The following FER variants were observed in gnomAD, a reference collection of about 807,000 sequenced individuals.
FER encodes the protein tyrosine-protein kinase Fer.
FER carries 63 observed loss-of-function variants against 111.0 expected under a neutral mutation model. The observed-to-expected ratio is 0.57, with a 90% CI of 0.46 to 0.70. FER has a LOEUF of 0.70. Among genes scored for constraint, FER ranks in the 30% least tolerant of loss-of-function variants. The pLI is 0.00. For missense variants in FER, 914 were observed against 954.0 expected (o/e 0.96, Z 0.55); for synonymous variants, 327 against 313.9 (o/e 1.04, Z -0.44).
intron 5 of FER, among the ~76,000 whole-genome samples, chr5:108,846,244 G>A (rs1290716335): frequency 6.6e-6 from 1 of 151,974 alleles, no homozygotes; most frequent in East Asian, 1.9e-4. Context: ...TTTTGGTTAA[G>A]CTTTTAAAGT....
chr5:108,907,215 T>TC (rs1417584162), intron 10 of FER, among the ~76,000 whole-genome samples: 1 of 152,132 alleles, frequency 6.6e-6, no homozygotes, highest in Non-Finnish European at 1.5e-5. Context: ...ATTTCCTTTT[T>TC]CCCTCTTTTT....
At chr5:108,836,229 G>A (rs1760644778) in intron 5 of FER, among the ~76,000 whole-genome samples, 1 of 151,894 alleles carries the variant, frequency 6.6e-6, no homozygotes, top group Non-Finnish European at 1.5e-5. Context: ...TCTCTTTATA[G>A]CTTAATTTTA....
chr5:108,756,904 A>G (rs1421626693), intron 1 of FER, among the ~76,000 whole-genome samples: 5 of 152,288 alleles, frequency 3.3e-5, no homozygotes, highest in Non-Finnish European at 7.4e-5. Flanking sequence ...ACATGGCTTC[A>G]GATATAATGG....
chr5:108,992,513 C>T (rs1763342882), intron 13 of FER, among the ~76,000 whole-genome samples: 1 of 146,514 alleles, frequency 6.8e-6, no homozygotes, highest in African/African-American at 2.5e-5. Context: ...GGCTGACCCC[C>T]CACCTCCCTC....
At chr5:108,769,630 T>C (rs992446482) in intron 2 of FER, among the ~76,000 whole-genome samples, 25 of 152,190 alleles carry the variant, frequency 1.6e-4, no homozygotes, top group African/African-American at 5.1e-4. Flanking sequence ...GAATTTGAGA[T>C]GCATTTTTGT....
At chr5:108,995,756 A>G (rs1763904378) in intron 13 of FER, among the ~76,000 whole-genome samples, 1 of 152,170 alleles carries the variant, frequency 6.6e-6, no homozygotes, top group Non-Finnish European at 1.5e-5. Context: ...TAGTAGAATG[A>G]TTTATAATCC....
At chr5:109,056,078 C>T (rs1773611274) in intron 16 of FER, among the ~76,000 whole-genome samples, 1 of 152,048 alleles carries the variant, frequency 6.6e-6, no homozygotes, top group South Asian at 2.1e-4. Flanking sequence ...GAAAAGATAA[C>T]AAATATTGGC....
At chr5:108,944,715 A>G (rs1293465563) in intron 10 of FER, among the ~76,000 whole-genome samples, 1 of 152,010 alleles carries the variant, frequency 6.6e-6, no homozygotes, top group Non-Finnish European at 1.5e-5. Context: ...CTGGGCACCA[A>G]ATGATCTGGC....
intron 17 of FER, among the ~76,000 whole-genome samples, chr5:109,152,448 C>G (rs1240703853): frequency 6.6e-6 from 1 of 151,836 alleles, no homozygotes; most frequent in Non-Finnish European, 1.5e-5. Context: ...GAAGTATTGC[C>G]AAGACCATAA....
At chr5:108,880,024 T>G (rs1276320108) in intron 8 of FER, among the ~76,000 whole-genome samples, 1 of 152,040 alleles carries the variant, frequency 6.6e-6, no homozygotes, top group African/African-American at 2.4e-5. Flanking sequence ...CTGTATAATT[T>G]TATTCTTCTA....
chr5:108,993,584 G>A (rs1360378548), intron 13 of FER, among the ~76,000 whole-genome samples: 1 of 148,004 alleles, frequency 6.8e-6, no homozygotes, highest in African/African-American at 2.5e-5. Flanking sequence ...AGAGGGAGAG[G>A]GAGAGGGAGA....
chr5:109,042,069 A>G (rs572544862), intron 14 of FER, among the ~76,000 whole-genome samples: 2 of 152,308 alleles, frequency 1.3e-5, no homozygotes, highest in South Asian at 4.1e-4. Flanking sequence ...ATGATGGGCC[A>G]TGAATTCCAG....
intron 2 of FER, among the ~76,000 whole-genome samples, chr5:108,797,247 A>G (rs1475879355): frequency 6.6e-6 from 1 of 152,076 alleles, no homozygotes; most frequent in African/African-American, 2.4e-5. Flanking sequence ...TCCAAGAGGC[A>G]GGACAACATT....
chr5:109,183,978 T>C (rs1356587069), intron 18 of FER, among the ~76,000 whole-genome samples: 1 of 152,104 alleles, frequency 6.6e-6, no homozygotes, highest in Non-Finnish European at 1.5e-5. Context: ...TCTTTTTGTA[T>C]GTGTCTCTCT....
intron 17 of FER, among the ~76,000 whole-genome samples, chr5:109,146,243 TAATCTATCTA>T (rs1282857163): frequency 0.055 from 4,607 of 83,064 alleles, 620 homozygotes; most frequent in Middle Eastern, 0.14. Flanking sequence ...AATATATATA[TAATCTATCTA>T]ATATATATAT....
intron 16 of FER, chr5:109,052,469 A>G (rs1772977876): frequency 9.1e-7 from 1 of 1,104,598 alleles, no homozygotes; most frequent in South Asian, 1.3e-5. Flanking sequence ...TTGCCTGGGC[A>G]CCACTCTTTT....
chr5:108,757,626 C>T (rs1004854101), intron 1 of FER, among the ~76,000 whole-genome samples: 1 of 152,306 alleles, frequency 6.6e-6, no homozygotes. Context: ...GGTCTTTAGA[C>T]AGACTTCTTG....
At chr5:109,082,897 A>T (rs1209213983) in intron 16 of FER, among the ~76,000 whole-genome samples, 1 of 152,012 alleles carries the variant, frequency 6.6e-6, no homozygotes, top group East Asian at 1.9e-4. Context: ...AATCTGTCAG[A>T]CCTATCAAAA....
intron 13 of FER, among the ~76,000 whole-genome samples, chr5:109,023,534 G>A (rs1768234054): frequency 6.6e-6 from 1 of 151,896 alleles, no homozygotes; most frequent in East Asian, 1.9e-4. Flanking sequence ...GCCTTTTGTC[G>A]GCAGTATTCT....
Sources: gnomAD v4.1 joint callset for allele counts (sites outside exome capture counted in the v4.1 genomes callset) on GRCh38, gnomAD v4.1.1 for gene constraint, MANE v1.5 for transcripts, NCBI Gene and HGNC (gene_info 2026-07-23, HGNC 2026-07-21) for gene names.